Variants in FHL5 observed in about 807,000 individuals in gnomAD.
The protein encoded by FHL5 is four and a half LIM domains protein 5.
In FHL5, 33 loss-of-function variants were observed where a neutral mutation model predicts 32.0. That is an observed-to-expected ratio of 1.03 (90% CI 0.78 to 1.38). The LOEUF (loss-of-function observed/expected upper bound fraction) is 1.38. Among genes scored for constraint, FHL5 ranks in the 40% most tolerant of loss-of-function variants. The pLI, the probability that FHL5 is intolerant of heterozygous loss-of-function variation, is 0.00. For missense variants in FHL5, 336 were observed against 343.9 expected (o/e 0.98, Z 0.18); for synonymous variants, 114 against 113.6 (o/e 1.00, Z -0.02).
chr6:96,613,285 T>A (rs1250554252), intron 5 of FHL5, among the ~76,000 whole-genome samples: 1 of 152,230 alleles, frequency 6.6e-6, no homozygotes, highest in Non-Finnish European at 1.5e-5. Context: ...AATCTACCCA[T>A]AAATCACCAA....
intron 1 of FHL5, among the ~76,000 whole-genome samples, chr6:96,574,763 C>T (rs1249844835): frequency 1.3e-5 from 2 of 151,942 alleles, no homozygotes; most frequent in Non-Finnish European, 2.9e-5. Flanking sequence ...GTCACTATTC[C>T]AAATAATATA....
chr6:96,562,950 G>T (rs906504138), upstream of FHL5, among the ~76,000 whole-genome samples: 3 of 152,148 alleles, frequency 2.0e-5, no homozygotes, highest in African/African-American at 7.2e-5. Context: ...AGCCTAGTTA[G>T]TGGAAATTTC....
chr6:96,567,725 A>G (rs1562050285), intron 1 of FHL5, among the ~76,000 whole-genome samples: 2 of 149,296 alleles, frequency 1.3e-5, no homozygotes, highest in Admixed American at 6.6e-5. Flanking sequence ...ATATATTCCT[A>G]CATGGCTTTT....
At chr6:96,575,703 G>A (rs1305536989) in intron 1 of FHL5, among the ~76,000 whole-genome samples, 1 of 152,186 alleles carries the variant, frequency 6.6e-6, no homozygotes, top group Non-Finnish European at 1.5e-5. Flanking sequence ...GGCAAGCACA[G>A]AAACCAGGGG....
At chr6:96,577,910 G>A (rs1289432201) in intron 1 of FHL5, among the ~76,000 whole-genome samples, 1 of 150,688 alleles carries the variant, frequency 6.6e-6, no homozygotes, top group Non-Finnish European at 1.5e-5. Flanking sequence ...TCTGGTTGAG[G>A]CTTTTTTACT....
At chr6:96,577,673 C>T (rs902561938) in intron 1 of FHL5, among the ~76,000 whole-genome samples, 1 of 152,170 alleles carries the variant, frequency 6.6e-6, no homozygotes, top group Non-Finnish European at 1.5e-5. Flanking sequence ...TGGTTTTAGG[C>T]ATGGAATGAA....
chr6:96,573,010 G>A (rs1396681383), intron 1 of FHL5, among the ~76,000 whole-genome samples: 4 of 151,848 alleles, frequency 2.6e-5, no homozygotes, highest in Admixed American at 6.6e-5. Context: ...CTATCTCTCT[G>A]ACCTTTAATA....
At chr6:96,601,449 T>G (rs1771147572) in intron 1 of FHL5, among the ~76,000 whole-genome samples, 1 of 152,246 alleles carries the variant, frequency 6.6e-6, no homozygotes, top group East Asian at 1.9e-4. Context: ...CGTCTTGTCT[T>G]ATATTTAGAC....
At chr6:96,596,340 G>A (rs1421036390) in intron 1 of FHL5, among the ~76,000 whole-genome samples, 1 of 151,970 alleles carries the variant, frequency 6.6e-6, no homozygotes, top group African/African-American at 2.4e-5. Context: ...GTGTGTTTTT[G>A]AACATGCAAT....
At chr6:96,583,113 T>C (rs1248866162) in intron 1 of FHL5, among the ~76,000 whole-genome samples, 1 of 152,154 alleles carries the variant, frequency 6.6e-6, no homozygotes, top group Non-Finnish European at 1.5e-5. Context: ...TAGCTTTTGA[T>C]TTTTAACCCA....
chr6:96,594,235 ATATATATATAT>A (rs1192559712), intron 1 of FHL5, among the ~76,000 whole-genome samples: 4 of 36,982 alleles, frequency 1.1e-4, no homozygotes, highest in African/African-American at 2.3e-4. Context: ...ATTTATATAT[ATATATATATAT>A]ATATATATAT....
Position 96,594,261 on chromosome 6 carries a change from ATATATATATATATG to A in FHL5, c.-12-9337_-12-9324del, listed in dbSNP as rs1374993918. Reference sequence around the variant, plus strand: ...TATATATATATATATATATATATATATATATATATATATGTATGTATGTATTTACTTCTTGAGGT... The same window carrying A: ...TATATATATATATATATATATATATATATGTATGTATTTACTTCTTGAGGT... On this transcript the variant is annotated intron_variant, in intron 1 of 5. Transcript: ENST00000450218. 5.8e-5 allele frequency among the ~76,000 whole-genome samples: 5 copies of A among 85,538 alleles called. No homozygotes were observed. The East Asian group carries it at 7.7e-4, about 13-fold the overall frequency. The allele number at this position is 85,538 out of a possible 152,430, so 56.1% of individuals were successfully genotyped here.
intron 1 of FHL5, among the ~76,000 whole-genome samples, chr6:96,579,241 C>G: frequency 6.6e-6 from 1 of 152,148 alleles, no homozygotes; most frequent in East Asian, 1.9e-4. Context: ...CATACTGTTT[C>G]ATACAGTTTC....
chr6:96,608,523 C>A (rs1266482146), intron 4 of FHL5, among the ~76,000 whole-genome samples: 1 of 152,104 alleles, frequency 6.6e-6, no homozygotes, highest in Non-Finnish European at 1.5e-5. Flanking sequence ...GACAACCAGG[C>A]TGTTAGAACT....
chr6:96,589,809 T>C (rs1770878076), intron 1 of FHL5, among the ~76,000 whole-genome samples: 1 of 152,056 alleles, frequency 6.6e-6, no homozygotes, highest in South Asian at 2.1e-4. Flanking sequence ...GTCCTAACAC[T>C]GAGATCTATG....
intron 1 of FHL5, among the ~76,000 whole-genome samples, chr6:96,579,522 C>G (rs1219574122): frequency 6.6e-6 from 1 of 152,040 alleles, no homozygotes; most frequent in Non-Finnish European, 1.5e-5. Flanking sequence ...ACATATTGCT[C>G]TAAGGTACCA....
intron 1 of FHL5, among the ~76,000 whole-genome samples, chr6:96,593,552 G>A (rs1306853223): frequency 3.9e-5 from 6 of 151,918 alleles, no homozygotes; most frequent in Non-Finnish European, 8.8e-5. Context: ...TCTAATTTAC[G>A]TTACTCCAAG....
Position 96,602,434 on chromosome 6 carries a change from T to C in FHL5, c.-12-1168T>C, listed in dbSNP as rs1337602108. 4.1e-3 allele frequency among the ~76,000 whole-genome samples: 310 copies of C among 75,644 alleles called. 13 individuals carry two copies. The highest frequency in any genetic ancestry group is 0.017 in the African/African-American group (279 of 16,800). The allele number at this position is 75,644 out of a possible 152,430, so 49.6% of individuals were successfully genotyped here. A position where few individuals can be genotyped will look rare whatever the true frequency, so the allele number is the denominator to read the frequency against. Reference sequence around the variant, plus strand: ...ATCTATATGCGTTGTTTCTTTTTTTTTTTTTTTTTTTTTTTTTTTTTTTTT... The same window carrying C: ...ATCTATATGCGTTGTTTCTTTTTTTCTTTTTTTTTTTTTTTTTTTTTTTTT... On this transcript the variant is annotated intron_variant, in intron 1 of 5. Transcript: ENST00000450218.
chr6:96,564,163 A>C (rs1457214930), intron 1 of FHL5, among the ~76,000 whole-genome samples: 2 of 152,184 alleles, frequency 1.3e-5, no homozygotes, highest in African/African-American at 4.8e-5. Flanking sequence ...TATTAACAAA[A>C]TGCATAGCTC....
Sources: gnomAD v4.1 joint callset for allele counts (sites outside exome capture counted in the v4.1 genomes callset) on GRCh38, gnomAD v4.1.1 for gene constraint, MANE v1.5 for transcripts, NCBI Gene and HGNC (gene_info 2026-07-23, HGNC 2026-07-21) for gene names.